Variants in KCNK16 observed in about 807,000 individuals in gnomAD.
KCNK16 encodes the protein potassium two pore domain channel subfamily K member 16, also known as potassium channel subfamily K member 16.
In KCNK16, 23 loss-of-function variants were observed where a neutral mutation model predicts 23.0. The observed-to-expected ratio is 1.00, with a 90% CI of 0.72 to 1.41. KCNK16 has a LOEUF of 1.41. Among genes scored for constraint, KCNK16 ranks in the 40% most tolerant of loss-of-function variants. KCNK16 has a pLI of 0.00. For synonymous variants in KCNK16, 145 were observed against 153.5 expected (o/e 0.94, Z 0.41); for missense variants, 327 against 365.8 (o/e 0.89, Z 0.87).
rs1762319659 is a variant in KCNK16 at position 39,316,424 on chromosome 6, T to A, written c.680A>T (p.His227Leu). Residue 227 changes from histidine to leucine, a missense_variant, in exon 5 of 5, where the codon CAT becomes CTT. Transcript: ENST00000437525. ...DYVVGTDPSK[H>L]YISVYRSLAA... ...CAGGCTCCGATACACTGAGATATAA[T>A]GCTTGCTGGGGTCTGTGCCTGCCAG... 2.5e-6 allele frequency: 4 copies of A among 1,607,666 alleles called. No individual in the cohort carries two copies. Among genetic ancestry groups the A allele is most frequent in the Non-Finnish European group, 3.4e-6 (4 of 1,175,794 alleles).
At chr6:39,314,919 C>T, downstream of KCNK16, 1 of 1,370,318 alleles carries the variant, frequency 7.3e-7, no homozygotes, top group Non-Finnish European at 1.0e-6. Context: ...GGCTTGTCCA[C>T]TCCTTGCTTC....
At chr6:39,315,402 C>T (rs1481891958), downstream of KCNK16, 16 of 1,551,040 alleles carry the variant, frequency 1.0e-5, no homozygotes, top group Non-Finnish European at 1.3e-5. Context: ...GGCAGGAGCC[C>T]AGAGGGAGTG....
chr6:39,318,905 G>A, intron 2 of KCNK16, 114 bp downstream of exon 2: 1 of 713,512 alleles, frequency 1.4e-6, no homozygotes, highest in Admixed American at 2.3e-5. Flanking sequence ...TCCCTCCCTG[G>A]GCTTCCTGAA....
upstream of KCNK16, chr6:39,322,733 T>A: frequency 2.4e-6 from 2 of 840,574 alleles, no homozygotes; most frequent in Non-Finnish European, 3.5e-6. Flanking sequence ...AGTGCTATGC[T>A]GTGAGTGCAA....
chr6:39,314,618 G>A (rs1194507114), downstream of KCNK16: 2 of 428,360 alleles, frequency 4.7e-6, no homozygotes, highest in Admixed American at 3.9e-5. Flanking sequence ...GACCGCAGGC[G>A]CTGAGGGAAG....
upstream of KCNK16, chr6:39,322,816 A>G: frequency 2.2e-6 from 1 of 447,988 alleles, no homozygotes. Context: ...CCCTTCAAAG[A>G]GACCTACCAG....
downstream of KCNK16, chr6:39,315,173 G>C (rs772194235): frequency 2.5e-6 from 4 of 1,614,250 alleles, no homozygotes; most frequent in South Asian, 4.4e-5. Context: ...CTTGCTGTTG[G>C]ATGATGGGAG....
intron 1 of KCNK16, among the ~76,000 whole-genome samples, chr6:39,320,294 G>A (rs1762467792): frequency 6.6e-6 from 1 of 152,184 alleles, no homozygotes; most frequent in South Asian, 2.1e-4. Context: ...TCCACAAAGT[G>A]GCCAGGGCCC....
chr6:39,315,061 T>C (rs978893950), downstream of KCNK16: 13 of 1,614,124 alleles, frequency 8.1e-6, no homozygotes, highest in South Asian at 5.5e-5. Flanking sequence ...TGGACTCCTC[T>C]TGCTGCTGTA....
In KCNK16 at chr6:39,316,402, G is replaced by C. The variant is rs1404253299; in HGVS notation, c.702C>G (p.Ser234Arg). Residue 234 changes from serine (S) to arginine (R), a missense_variant, in exon 5 of 5, where the codon AGC (serine) becomes AGG (arginine). By Grantham distance (110) the Ser-to-Arg change is moderately radical. Transcript: ENST00000437525. ...PSKHYISVYRSLAAIWILLGL... is the reference protein window; with the variant it reads ...PSKHYISVYRRLAAIWILLGL... ...CCAGGAGGATCCAGATGGCTGCCAG[G>C]CTCCGATACACTGAGATATAATGCT... 30 of 1,612,002 alleles carry C rather than the reference G, an allele frequency of 1.9e-5. No homozygotes were observed. Among genetic ancestry groups the C allele is most frequent in the Non-Finnish European group, 2.5e-5 (29 of 1,179,094 alleles).
chr6:39,316,906 C>G lies in KCNK16; in HGVS notation c.537G>C (p.Gly179=). ...GTGGGAAGATGAGAATGACCAGCGTCCCCAGGGTCAGGAACAGAGCCAGGC... is the reference window on the plus strand; with the variant it reads ...GTGGGAAGATGAGAATGACCAGCGTGCCCAGGGTCAGGAACAGAGCCAGGC... The part of the protein sequence containing the change: ...VLGLALFLTL[G]TLVILIFPPM... The change falls in exon 4 of 5, where the codon GGG becomes GGC. Residue 179 remains glycine, a synonymous_variant. Coordinates refer to ENST00000437525, the MANE Select transcript of KCNK16 (RefSeq NM_001135106.2). 1.2e-6 allele frequency: 2 copies of G among 1,613,552 alleles called. No individual in the cohort carries two copies. Among genetic ancestry groups the G allele is most frequent in the Non-Finnish European group, 1.7e-6 (2 of 1,179,862 alleles).
intron 1 of KCNK16, among the ~76,000 whole-genome samples, chr6:39,320,679 C>T (rs1762483006): frequency 6.6e-6 from 1 of 152,160 alleles, no homozygotes; most frequent in Non-Finnish European, 1.5e-5. Context: ...AAGGGATGTC[C>T]TGTCTTCCCT....
At chr6:39,317,704 T>C in intron 3 of KCNK16, 82 bp downstream of exon 3, 1 of 1,421,966 alleles carries the variant, frequency 7.0e-7, no homozygotes, top group Non-Finnish European at 9.4e-7. Flanking sequence ...CATGCCAAAC[T>C]CCATCTCAGC....
chr6:39,322,838 T>G (rs535876790), upstream of KCNK16: 91 of 399,820 alleles, frequency 2.3e-4, 1 homozygote, highest in Middle Eastern at 2.1e-3. Flanking sequence ...TTCTCCTGAG[T>G]GCTTCATGTC....
chr6:39,316,925 G>T lies in KCNK16; in HGVS notation c.518C>A (p.Ala173Asp). 6.2e-7 allele frequency: 1 copy of T among 1,613,660 alleles called. No homozygotes were observed. The highest frequency in any genetic ancestry group is 8.5e-7 in the Non-Finnish European group (1 of 1,179,966). The change falls in exon 4 of 5, where the codon GCT (alanine) becomes GAT (aspartate). Residue 173 changes from alanine to aspartate, a missense_variant. Coordinates refer to ENST00000437525, the MANE Select transcript of KCNK16 (RefSeq NM_001135106.2). ...CAGCGTCCCCAGGGTCAGGAACAGA[G>T]CCAGGCCCAGGACTTGCAGTACCTA... ...RSQVLQVLGL[A>D]LFLTLGTLVI...
upstream of KCNK16, chr6:39,322,756 C>G: frequency 4.8e-6 from 3 of 629,798 alleles, no homozygotes; most frequent in Non-Finnish European, 2.6e-6. Context: ...AGGCCGGCCA[C>G]CCCCACCCGG....
rs781314324 is a variant in KCNK16 at position 39,316,308 on chromosome 6, G to T, written c.796C>A (p.Leu266Met). Residue 266 changes from leucine to methionine, a missense_variant, in exon 5 of 5, where the codon CTG becomes ATG. Transcript: ENST00000437525. ...TTGACGCCGAGGCCCCTACTGAGCA[G>T]CCAGAGCTGGCAGCATCTGTGCAGA... ...LLLHRCCQLW[L>M]LSRGLGVKDG... The T allele has an allele frequency of 1.9e-6, 3 of 1,607,432 alleles. No individual in the cohort carries two copies. The highest frequency in any genetic ancestry group is 2.5e-6 in the Non-Finnish European group (3 of 1,177,658).
intron 1 of KCNK16, among the ~76,000 whole-genome samples, chr6:39,321,646 A>G (rs1367233897): frequency 1.3e-5 from 2 of 152,214 alleles, no homozygotes; most frequent in East Asian, 1.9e-4. Context: ...ACCTCCCTCC[A>G]CAACACCTGG....
chr6:39,316,397 G>A lies in KCNK16; in HGVS notation c.707C>T (p.Ala236Val). The change falls in exon 5 of 5, where the codon GCA becomes GTA. Residue 236 changes from alanine (A) to valine (V), a missense_variant. By Grantham distance (64) the Ala-to-Val change is moderately conservative. Coordinates refer to ENST00000437525, the MANE Select transcript of KCNK16 (RefSeq NM_001135106.2). ...KHYISVYRSL[A>V]AIWILLGLAW... ...CAGGCCCAGGAGGATCCAGATGGCT[G>A]CCAGGCTCCGATACACTGAGATATA... 6.2e-7 allele frequency: 1 copy of A among 1,612,578 alleles called. No homozygotes were observed. Among genetic ancestry groups the A allele is most frequent in the Non-Finnish European group, 8.5e-7 (1 of 1,179,310 alleles).
Sources: allele counts gnomAD v4.1 joint callset (sites outside exome capture counted in the v4.1 genomes callset), GRCh38; gene constraint gnomAD v4.1.1; transcripts MANE v1.5; gene names NCBI Gene and HGNC (gene_info 2026-07-23, HGNC 2026-07-21).